The following FBXO34 variants were observed in gnomAD, a reference collection of about 807,000 sequenced individuals.
The protein encoded by FBXO34 is F-box protein 34, also known as F-box only protein 34.
A neutral mutation model predicts 24.5 loss-of-function variants in FBXO34; 12 were observed. The observed-to-expected ratio is 0.49, with a 90% CI of 0.31 to 0.79. FBXO34 has a LOEUF of 0.79. FBXO34 is among the 30% of genes least tolerant of loss of function. The pLI, the probability that FBXO34 is intolerant of heterozygous loss-of-function variation, is 0.04. For missense variants in FBXO34, 823 were observed against 857.7 expected (o/e 0.96, Z 0.51); for synonymous variants, 320 against 311.9 (o/e 1.03, Z -0.27).
chr14:55,401,533 T>C, the FBXO34 span, among the ~76,000 whole-genome samples: 1 of 152,368 alleles, frequency 6.6e-6, no homozygotes, highest in African/African-American at 2.4e-5. Flanking sequence ...AAGTCTTCTA[T>C]ATTATTCACT....
At chr14:55,428,825 G>A in the FBXO34 span, 1 of 1,613,954 alleles carries the variant, frequency 6.2e-7, no homozygotes, top group African/African-American at 1.3e-5. Flanking sequence ...CTGCTGATGG[G>A]TTAGCACCAA....
intron 1 of FBXO34, among the ~76,000 whole-genome samples, chr14:55,308,708 A>G (rs1882635027): frequency 1.3e-5 from 2 of 152,346 alleles, no homozygotes; most frequent in East Asian, 1.9e-4. Flanking sequence ...TAGGCAAGCA[A>G]TATCATCAAA....
chr14:55,409,050 G>C, the FBXO34 span, among the ~76,000 whole-genome samples: 1 of 152,216 alleles, frequency 6.6e-6, no homozygotes, highest in Non-Finnish European at 1.5e-5. Context: ...GCAAGGTAAG[G>C]AAGAGTTGTC....
the FBXO34 span, among the ~76,000 whole-genome samples, chr14:55,401,069 C>T: frequency 6.6e-6 from 1 of 152,082 alleles, no homozygotes; most frequent in Non-Finnish European, 1.5e-5. Context: ...TTTTCTCACA[C>T]TCTCCCCAAA....
At chr14:55,272,617 A>ATTT (rs57429957) in intron 1 of FBXO34, among the ~76,000 whole-genome samples, 106 of 143,324 alleles carry the variant, frequency 7.4e-4, no homozygotes, top group Non-Finnish European at 1.1e-3. Context: ...ATCTTACATG[A>ATTT]TTTTTTTTTT....
chr14:55,381,997 C>A, the FBXO34 span: 1 of 1,614,186 alleles, frequency 6.2e-7, no homozygotes, highest in African/African-American at 1.3e-5. Flanking sequence ...CTCCACCCAG[C>A]TGTAGTAGGC....
the FBXO34 span, among the ~76,000 whole-genome samples, chr14:55,439,617 C>CCCCGCCCCCG: frequency 1.4e-5 from 1 of 72,628 alleles, no homozygotes; most frequent in African/African-American, 4.5e-5. Flanking sequence ...AAAGCAAACC[C>CCCCGCCCCCG]CCCCCCGTCT....
At chr14:55,435,509 C>T in the FBXO34 span, among the ~76,000 whole-genome samples, 45 of 152,070 alleles carry the variant, frequency 3.0e-4, no homozygotes, top group South Asian at 9.3e-3. Flanking sequence ...CTCCTGACCT[C>T]GTGATCCACC....
intron 1 of FBXO34, among the ~76,000 whole-genome samples, chr14:55,342,997 T>G (rs1367183708): frequency 1.3e-5 from 2 of 152,178 alleles, no homozygotes; most frequent in Non-Finnish European, 2.9e-5. Context: ...AGAAGTCACT[T>G]TATTTGTGCT....
At chr14:55,397,809 C>T in the FBXO34 span, among the ~76,000 whole-genome samples, 7 of 152,232 alleles carry the variant, frequency 4.6e-5, no homozygotes, top group East Asian at 1.3e-3. Flanking sequence ...CTGCTCTCTC[C>T]TATAAACTGA....
chr14:55,300,485 C>T (rs945922035), intron 1 of FBXO34, among the ~76,000 whole-genome samples: 1 of 152,178 alleles, frequency 6.6e-6, no homozygotes, highest in African/African-American at 2.4e-5. Flanking sequence ...GTCCCAGCTA[C>T]TCGGGAGGCT....
intron 1 of FBXO34, among the ~76,000 whole-genome samples, chr14:55,286,383 T>C (rs1566540784): frequency 6.6e-6 from 1 of 152,224 alleles, no homozygotes; most frequent in Non-Finnish European, 1.5e-5. Flanking sequence ...CATTTGTCAT[T>C]TGCGTTGTAC....
chr14:55,333,935 A>C (rs1458311123), intron 1 of FBXO34, among the ~76,000 whole-genome samples: 5 of 152,088 alleles, frequency 3.3e-5, no homozygotes, highest in African/African-American at 9.7e-5. Context: ...TCCGTCCTGG[A>C]GGTTATTAAC....
chr14:55,431,803 A>G, the FBXO34 span, among the ~76,000 whole-genome samples: 62 of 152,368 alleles, frequency 4.1e-4, no homozygotes, highest in Middle Eastern at 3.4e-3. Context: ...TCCAATTAAT[A>G]TAAATTCAGT....
At chr14:55,323,226 T>TA (rs1491370677) in intron 1 of FBXO34, among the ~76,000 whole-genome samples, 5,621 of 20,274 alleles carry the variant, frequency 0.28, 614 homozygotes, top group Middle Eastern at 0.31. Context: ...AAAATATATA[T>TA]TTTTTTTTTT....
intron 1 of FBXO34, among the ~76,000 whole-genome samples, chr14:55,300,726 T>C (rs937843462): frequency 3.9e-5 from 6 of 152,266 alleles, no homozygotes; most frequent in Admixed American, 3.3e-4. Context: ...TCTAGAGGTG[T>C]GCTTAGCATA....
At position 55,292,616 on chromosome 14, in the gene FBXO34, A is replaced by T. The variant is rs1037205666; in HGVS notation, c.-11+21079A>T. 2.6e-5 allele frequency among the ~76,000 whole-genome samples: 4 copies of T among 152,104 alleles called. No homozygotes were observed. In the East Asian group the frequency reaches 7.7e-4, roughly 29 times the overall value. ...GACTCAAGACCCTTCTGCCTCCCAA[A>T]GTGCTGGCGTTACAGGTGTGAGCCA... On this transcript the variant is annotated intron_variant, in intron 1 of 1. Coordinates refer to ENST00000313833, the MANE Select transcript of FBXO34 (RefSeq NM_017943.4).
At chr14:55,376,507 G>A in the FBXO34 span, among the ~76,000 whole-genome samples, 24 of 152,280 alleles carry the variant, frequency 1.6e-4, no homozygotes, top group African/African-American at 4.8e-4. Flanking sequence ...GTTTCCTGGC[G>A]AGTTCACAGC....
At chr14:55,361,392 A>G (rs533608538) in intron 3 of FBXO34, among the ~76,000 whole-genome samples, 1 of 152,348 alleles carries the variant, frequency 6.6e-6, no homozygotes, top group East Asian at 1.9e-4. Flanking sequence ...ATGTGTTGCT[A>G]TGCAGGCTTT....
Sources: allele counts gnomAD v4.1 joint callset (sites outside exome capture counted in the v4.1 genomes callset), GRCh38; gene constraint gnomAD v4.1.1; transcripts MANE v1.5; gene names NCBI Gene and HGNC (gene_info 2026-07-23, HGNC 2026-07-21).